Variants in SPTA1 observed in about 807,000 individuals in gnomAD.
SPTA1 encodes spectrin alpha chain, erythrocytic 1.
A neutral mutation model predicts 324.7 loss-of-function variants in SPTA1; 177 were observed. That is an observed-to-expected ratio of 0.55 (90% CI 0.48 to 0.62). SPTA1 has a LOEUF of 0.62. SPTA1 is among the 20% of genes least tolerant of loss of function. The pLI, the probability that SPTA1 is intolerant of heterozygous loss-of-function variation, is 0.00. For synonymous variants in SPTA1, 1,195 were observed against 1,041.3 expected (o/e 1.15, Z -2.84); for missense variants, 3,162 against 2,883.6 (o/e 1.10, Z -2.21).
At position 158,623,099 on chromosome 1, in the gene SPTA1, G is replaced by T; in HGVS notation, c.6004C>A (p.Gln2002Lys). Residue 2002 changes from glutamine to lysine, a missense_variant, in exon 43 of 52, where the codon CAG (glutamine) becomes AAG (lysine). Transcript: ENST00000643759. ...KDKLISAQHN[Q>K]SKAIEERYAA... is the part of the protein sequence containing the mutation. ...TAACGCTCTTCAATGGCTTTAGACT[G>T]GTTGTGTTGAGCAGAAATCAGTTTG... 1 of 1,614,130 alleles carries T rather than the reference G, an allele frequency of 6.2e-7. No homozygotes were observed. Among genetic ancestry groups the T allele is most frequent in the Middle Eastern group, 1.6e-4 (1 of 6,062 alleles).
At chr1:158,677,627 A>G in intron 7 of SPTA1, 63 bp downstream of exon 7, 1 of 1,600,114 alleles carries the variant, frequency 6.2e-7, no homozygotes, top group Non-Finnish European at 8.5e-7. Flanking sequence ...GGTAATAGGC[A>G]AGATAATCAA....
chr1:158,676,091 T>A, intron 8 of SPTA1, 50 bp downstream of exon 8: 1 of 1,611,370 alleles, frequency 6.2e-7, no homozygotes, highest in Non-Finnish European at 8.5e-7. Context: ...CGCTATTATA[T>A]CTGGGCCCTG....
intron 39 of SPTA1, among the ~76,000 whole-genome samples, chr1:158,628,728 TA>T (rs1466852043): frequency 1.3e-5 from 2 of 152,002 alleles, no homozygotes; most frequent in African/African-American, 4.8e-5. Context: ...TTTCAAATAA[TA>T]AATTCAAAAA....
chr1:158,683,698 G>T (rs961622361), intron 2 of SPTA1, among the ~76,000 whole-genome samples: 2 of 152,028 alleles, frequency 1.3e-5, no homozygotes, highest in African/African-American at 4.8e-5. Flanking sequence ...GATCTATGCC[G>T]AGCCTTATTT....
chr1:158,683,216 TCCCATCATTTTTTATG>T lies in SPTA1; in HGVS notation c.390+139_390+154del, dbSNP rs1654928164. ...CTTCACCCCAAGAAACACGAAGATATCCCATCATTTTTTATGCCTCAACCCCAGGGGAAGATAAGAG... is the reference window on the plus strand; with the variant it reads ...CTTCACCCCAAGAAACACGAAGATATCCTCAACCCCAGGGGAAGATAAGAG... On this transcript the variant is annotated intron_variant, in intron 3 of 51. Transcript: ENST00000643759. Among the ~76,000 whole-genome samples the T allele has an allele frequency of 2.0e-5, 3 of 152,030 alleles. No homozygotes were observed. The South Asian group carries it at 6.2e-4, about 32-fold the overall frequency.
chr1:158,680,667 C>G lies in SPTA1; in HGVS notation c.594G>C (p.Lys198Asn). The change falls in exon 5 of 52, where the codon AAG (lysine) becomes AAC (asparagine). Residue 198 changes from lysine (K) to asparagine (N), a missense_variant. Lys to Asn is a moderately conservative substitution (Grantham distance 94). Coordinates refer to ENST00000643759, the MANE Select transcript of SPTA1 (RefSeq NM_003126.4). ...GCTCCACTTGGAAGTCTTCAAATTT[C>G]TTATGCAGAACTTCGGTGCGCTCCC... ...EDWERTEVLH[K>N]KFEDFQVELV... 6.2e-7 allele frequency: 1 copy of G among 1,613,956 alleles called. No homozygotes were observed. Among genetic ancestry groups the G allele is most frequent in the Non-Finnish European group, 8.5e-7 (1 of 1,179,898 alleles).
intron 42 of SPTA1, among the ~76,000 whole-genome samples, chr1:158,625,638 A>C (rs560276904): frequency 6.6e-6 from 1 of 151,894 alleles, no homozygotes; most frequent in Non-Finnish European, 1.5e-5. Flanking sequence ...AAATAATAAA[A>C]AGATAATAGA....
chr1:158,669,382 A>G (rs754751694), intron 14 of SPTA1, 26 bp downstream of exon 14: 3 of 1,613,896 alleles, frequency 1.9e-6, no homozygotes, highest in East Asian at 2.2e-5. Context: ...TGATAACTAC[A>G]TCCAGCTCCT....
At position 158,610,970 on chromosome 1, in the gene SPTA1, T is replaced by C. The variant is rs886045378; in HGVS notation, c.*294A>G. 3.7e-5 allele frequency: 12 copies of C among 322,006 alleles called. No homozygotes were observed. The highest frequency in any genetic ancestry group is 1.1e-4 in the South Asian group (3 of 27,158). 19.9% of individuals were successfully genotyped at this position (322,006 alleles called of 1,614,324 possible). On this transcript the variant is annotated 3_prime_UTR_variant, in exon 52 of 52. Coordinates refer to ENST00000643759, the MANE Select transcript of SPTA1 (RefSeq NM_003126.4). ...GGAATAAAGCAAAATGATAAAGACG[T>C]GCAAAACAGAACAAATAAAAATAGA...
At chr1:158,636,265 C>T (rs906742308) in intron 37 of SPTA1, among the ~76,000 whole-genome samples, 2 of 152,186 alleles carry the variant, frequency 1.3e-5, no homozygotes, top group African/African-American at 4.8e-5. Context: ...CTAGTCTACT[C>T]TCCCTAATCT....
intron 16 of SPTA1, among the ~76,000 whole-genome samples, chr1:158,665,205 A>C (rs1653505231): frequency 6.6e-6 from 1 of 152,142 alleles, no homozygotes; most frequent in African/African-American, 2.4e-5. Context: ...TTAAAGAAAA[A>C]AATTAAACAA....
In SPTA1 at chr1:158,676,254, G is replaced by A; in HGVS notation, c.999C>T (p.Ser333=). The change falls in exon 8 of 52, where the codon TCC becomes TCT. Residue 333 remains serine (S), a synonymous_variant. Transcript: ENST00000643759. ...GGATCTGAGGTGCATCTGAAGGATG[G>A]GAAAGTGTCAGCTTCTCTGCTTTAG... ...LCAKAEKLTL[S]HPSDAPQIQE... is the part of the protein sequence containing the mutation. 4 of 1,613,706 alleles carry A rather than the reference G, an allele frequency of 2.5e-6. No homozygotes were observed. Among genetic ancestry groups the A allele is most frequent in the Non-Finnish European group, 3.4e-6 (4 of 1,179,764 alleles).
intron 43 of SPTA1, among the ~76,000 whole-genome samples, chr1:158,622,025 C>T (rs567309171): frequency 7.8e-4 from 119 of 152,220 alleles, no homozygotes; most frequent in African/African-American, 2.7e-3. Flanking sequence ...CCACCACGCC[C>T]GGCTAATTTT....
At chr1:158,616,214 T>C (rs1649549331) in intron 47 of SPTA1, among the ~76,000 whole-genome samples, 1 of 152,218 alleles carries the variant, frequency 6.6e-6, no homozygotes, top group African/African-American at 2.4e-5. Context: ...ATGTTGGATG[T>C]CTATTACCTT....
chr1:158,658,734 T>C (rs972950643), intron 18 of SPTA1, among the ~76,000 whole-genome samples: 1 of 151,968 alleles, frequency 6.6e-6, no homozygotes, highest in Admixed American at 6.6e-5. Flanking sequence ...AGAAAAGCTT[T>C]AAAACAGGTA....
intron 12 of SPTA1, among the ~76,000 whole-genome samples, chr1:158,670,458 A>G (rs1653938988): frequency 6.6e-6 from 1 of 152,354 alleles, no homozygotes; most frequent in African/African-American, 2.4e-5. Context: ...GAGGGACTTG[A>G]TATTAATTGG....
chr1:158,612,988 A>T, intron 50 of SPTA1, 27 bp from the exon 51 acceptor site: 1 of 1,612,786 alleles, frequency 6.2e-7, no homozygotes, highest in South Asian at 1.1e-5. Flanking sequence ...TCAGGAGCTG[A>T]GCCTTCTCAA....
chr1:158,643,866 G>A (rs1651797422), intron 30 of SPTA1, among the ~76,000 whole-genome samples: 1 of 152,112 alleles, frequency 6.6e-6, no homozygotes, highest in Non-Finnish European at 1.5e-5. Context: ...GCTGGGCACG[G>A]TGGCTCACTC....
intron 4 of SPTA1, 73 bp downstream of exon 4, chr1:158,681,454 C>T: frequency 1.2e-6 from 2 of 1,606,500 alleles, no homozygotes; most frequent in Non-Finnish European, 1.7e-6. Flanking sequence ...GAGTAGTCTG[C>T]AGTAATTTGC....
Sources: gnomAD v4.1 joint callset for allele counts (sites outside exome capture counted in the v4.1 genomes callset) on GRCh38, gnomAD v4.1.1 for gene constraint, MANE v1.5 for transcripts, NCBI Gene and HGNC (gene_info 2026-07-23, HGNC 2026-07-21) for gene names.